Variants in ACER3 observed in about 807,000 individuals in gnomAD.
The protein encoded by ACER3 is alkaline ceramidase 3, also known as alkCDase 3.
Under a neutral mutation model 48.9 loss-of-function variants are expected in ACER3, and 16 were observed. The observed-to-expected ratio is 0.33, with a 90% CI of 0.22 to 0.50. The LOEUF (loss-of-function observed/expected upper bound fraction) is 0.50, where lower values mean the gene tolerates loss of function less well. ACER3 is among the 20% of genes least tolerant of loss of function. ACER3 has a pLI of 0.98. For missense variants in ACER3, 227 were observed against 326.0 expected, an observed-to-expected ratio of 0.70 and a Z score of 2.34; for synonymous variants, 109 against 107.8, an observed-to-expected ratio of 1.01 and a Z score of -0.07.
chr11:76,933,058 G>C (rs1402174849), intron 2 of ACER3, among the ~76,000 whole-genome samples: 2 of 151,676 alleles, frequency 1.3e-5, no homozygotes, highest in Admixed American at 6.6e-5. Context: ...TTGGAGATGC[G>C]TTAGTGAAAG....
intron 1 of ACER3, among the ~76,000 whole-genome samples, chr11:76,902,523 T>C (rs1946106707): frequency 6.6e-6 from 1 of 152,248 alleles, no homozygotes. Flanking sequence ...CTTGAAATGG[T>C]TGGCAACCGC....
At chr11:76,922,386 A>T (rs923955237) in intron 1 of ACER3, among the ~76,000 whole-genome samples, 1 of 152,088 alleles carries the variant, frequency 6.6e-6, no homozygotes, top group African/African-American at 2.4e-5. Flanking sequence ...ATCAGTAAAG[A>T]TTTTCATTAG....
chr11:77,012,667 G>T (rs1461236310), intron 7 of ACER3, among the ~76,000 whole-genome samples: 2 of 152,072 alleles, frequency 1.3e-5, no homozygotes, highest in Non-Finnish European at 2.9e-5. Context: ...AGAAATTGAA[G>T]AGCTAGACAA....
chr11:76,965,325 C>T (rs538830321), intron 3 of ACER3, among the ~76,000 whole-genome samples: 24 of 151,330 alleles, frequency 1.6e-4, no homozygotes, highest in Non-Finnish European at 3.5e-4. Flanking sequence ...ACCAAATCTA[C>T]GTCTGATTGT....
At chr11:76,920,294 T>C (rs752295956) in intron 1 of ACER3, among the ~76,000 whole-genome samples, 48 of 152,150 alleles carry the variant, frequency 3.2e-4, no homozygotes, top group Non-Finnish European at 6.0e-4. Context: ...CTCCGCTCTA[T>C]GGGATTAGCT....
intron 1 of ACER3, among the ~76,000 whole-genome samples, chr11:76,878,711 A>C (rs1945447971): frequency 6.6e-6 from 1 of 152,070 alleles, no homozygotes; most frequent in South Asian, 2.1e-4. Context: ...TTGCCAGGTT[A>C]GGGTTGGTTT....
At position 77,006,313 on chromosome 11, in the gene ACER3, A is replaced by G. The variant is rs782739072; in HGVS notation, c.497+7492A>G. On this transcript the variant is annotated intron_variant, in intron 7 of 10. Coordinates refer to ENST00000532485, the MANE Select transcript of ACER3 (RefSeq NM_018367.7). ...TGTCTTTAATATTTTGTCTCCATGCATTTAGAACCATATCAGACAGTGTTA... is the reference window on the plus strand; with the variant it reads ...TGTCTTTAATATTTTGTCTCCATGCGTTTAGAACCATATCAGACAGTGTTA... Among the ~76,000 whole-genome samples, 7 of 152,050 alleles carry G rather than the reference A, an allele frequency of 4.6e-5. No individual in the cohort carries two copies. In the South Asian group the frequency reaches 1.2e-3, roughly 27 times the overall value.
rs1225767162 is a variant in ACER3, at chr11:77,023,322, G to A, written c.*2995G>A. On this transcript the variant is annotated 3_prime_UTR_variant, in exon 11 of 11. Transcript: ENST00000532485. The stretch of plus-strand genomic sequence containing the variant: ...CTAAGAGGGTTTTTCTTATAATAAG[G>A]AGAAGAGGTGTGGTTCAAAGAAAAT... 2 of 394,112 alleles carry A rather than the reference G, an allele frequency of 5.1e-6. No individual in the cohort carries two copies. The highest frequency in any genetic ancestry group is 3.6e-5 in the East Asian group (1 of 27,880). 24.4% of individuals were successfully genotyped at this position (394,112 alleles called of 1,614,324 possible). A position where few individuals can be genotyped will look rare whatever the true frequency, so the allele number is the denominator to read the frequency against.
At chr11:76,893,640 G>A (rs1447001710) in intron 1 of ACER3, among the ~76,000 whole-genome samples, 2 of 152,006 alleles carry the variant, frequency 1.3e-5, no homozygotes, top group Non-Finnish European at 2.9e-5. Context: ...GCAACATAGC[G>A]AGATCCTATC....
rs1555025723 is a variant in ACER3, at chr11:77,026,182, C to A, written c.*5855C>A. On this transcript the variant is annotated 3_prime_UTR_variant, in exon 11 of 11. Coordinates refer to ENST00000532485, the MANE Select transcript of ACER3 (RefSeq NM_018367.7). Reference sequence around the variant, plus strand: ...GAGTTGACTTCCAGAAAGTTGAGATCTTTTGACCATTTTTTCTCATGTCAT... The same window carrying A: ...GAGTTGACTTCCAGAAAGTTGAGATATTTTGACCATTTTTTCTCATGTCAT... The A allele has an allele frequency of 6.6e-6, 1 of 152,142 alleles. No homozygotes were observed. Among genetic ancestry groups the A allele is most frequent in the African/African-American group, 2.4e-5 (1 of 41,436 alleles). 9.4% of individuals were successfully genotyped at this position (152,142 alleles called of 1,614,324 possible).
rs1949458846 is a variant in ACER3, at chr11:77,020,726, G to T, written c.*399G>T. The stretch of plus-strand genomic sequence containing the variant: ...AATATTTGATTAAATAATGCAGTCA[G>T]CTAAGAGCCAACAAAACCCCATATC... On this transcript the variant is annotated 3_prime_UTR_variant, in exon 11 of 11. Transcript: ENST00000532485. 5.9e-6 allele frequency: 1 copy of T among 168,396 alleles called. No homozygotes were observed. Among genetic ancestry groups the T allele is most frequent in the African/African-American group, 2.4e-5 (1 of 41,628 alleles). The allele number at this position is 168,396 out of a possible 1,614,324, so 10.4% of individuals were successfully genotyped here. A position where few individuals can be genotyped will look rare whatever the true frequency, so the allele number is the denominator to read the frequency against.
intron 2 of ACER3, among the ~76,000 whole-genome samples, chr11:76,950,346 C>T (rs1422020849): frequency 4.1e-5 from 3 of 74,068 alleles, no homozygotes; most frequent in African/African-American, 1.4e-4. Flanking sequence ...AGGAGAGTGA[C>T]ATGATCATAT....
At chr11:77,010,163 A>AAATAAT (rs59504202) in intron 7 of ACER3, among the ~76,000 whole-genome samples, 10,848 of 146,288 alleles carry the variant, frequency 0.074, 426 homozygotes, top group East Asian at 0.095. Flanking sequence ...TCTCTACCAG[A>AAATAAT]AATAATAATA....
chr11:77,002,939 G>A (rs888039609), intron 7 of ACER3, among the ~76,000 whole-genome samples: 3 of 152,100 alleles, frequency 2.0e-5, no homozygotes, highest in Non-Finnish European at 4.4e-5. Context: ...GCCTGGTGGG[G>A]AGTAGGATGA....
chr11:76,951,784 A>T (rs1328417498), intron 2 of ACER3, among the ~76,000 whole-genome samples: 5 of 152,170 alleles, frequency 3.3e-5, no homozygotes, highest in Non-Finnish European at 7.3e-5. Context: ...GCCTTTATGA[A>T]CCTTAGAATC....
chr11:76,965,142 C>T (rs1565203598), intron 3 of ACER3, among the ~76,000 whole-genome samples: 1 of 151,312 alleles, frequency 6.6e-6, no homozygotes, highest in Non-Finnish European at 1.5e-5. Context: ...AAAACCACGG[C>T]ACGAGAACTA....
At chr11:76,975,155 G>T (rs548110151) in intron 3 of ACER3, among the ~76,000 whole-genome samples, 1 of 152,154 alleles carries the variant, frequency 6.6e-6, no homozygotes, top group East Asian at 1.9e-4. Context: ...TTTGGCTTTT[G>T]TGTCTTTTGT....
intron 4 of ACER3, among the ~76,000 whole-genome samples, chr11:76,976,772 A>G (rs953507903): frequency 3.3e-5 from 5 of 152,228 alleles, no homozygotes; most frequent in Non-Finnish European, 5.9e-5. Flanking sequence ...GTTTGAAGTT[A>G]TCTTTTAAAT....
chr11:76,877,239 A>T (rs939564997), intron 1 of ACER3, among the ~76,000 whole-genome samples: 11 of 152,196 alleles, frequency 7.2e-5, no homozygotes, highest in Admixed American at 4.6e-4. Context: ...AAAATCTTTG[A>T]CTCATCATAG....
Sources: gnomAD v4.1 joint callset for allele counts (sites outside exome capture counted in the v4.1 genomes callset) on GRCh38, gnomAD v4.1.1 for gene constraint, MANE v1.5 for transcripts, NCBI Gene and HGNC (gene_info 2026-07-23, HGNC 2026-07-21) for gene names.